Variants in SOX6 observed in about 807,000 individuals in gnomAD.
SOX6 encodes the protein transcription factor SOX-6.
In SOX6, 11 loss-of-function variants were observed where a neutral mutation model predicts 97.8. That is an observed-to-expected ratio of 0.11 (90% CI 0.07 to 0.19). SOX6 has a LOEUF of 0.19. SOX6 is among the 10% of genes least tolerant of loss of function. The pLI is 1.00. For missense variants in SOX6, 810 were observed against 1,039.5 expected (o/e 0.78, Z 3.04); for synonymous variants, 360 against 371.4 (o/e 0.97, Z 0.35).
intron 2 of SOX6, among the ~76,000 whole-genome samples, chr11:16,336,932 A>C (rs1856480182): frequency 6.6e-6 from 1 of 152,146 alleles, no homozygotes; most frequent in Admixed American, 6.6e-5. Flanking sequence ...CTCCTCCAAA[A>C]TAACTTCCCC....
At chr11:16,682,778 G>A (rs1847938061) in intron 3 of SOX6, among the ~76,000 whole-genome samples, 1 of 152,172 alleles carries the variant, frequency 6.6e-6, no homozygotes, top group Non-Finnish European at 1.5e-5. Context: ...TATTCAATTA[G>A]GAAAAGAGGA....
intron 4 of SOX6, among the ~76,000 whole-genome samples, chr11:16,533,874 CCAAA>C (rs1397307413): frequency 2.0e-5 from 3 of 151,926 alleles, no homozygotes; most frequent in Non-Finnish European, 4.4e-5. Flanking sequence ...GTTCACAGTT[CCAAA>C]CAAAGATAAT....
At chr11:16,486,026 T>A (rs1860427435) in intron 4 of SOX6, among the ~76,000 whole-genome samples, 1 of 128,756 alleles carries the variant, frequency 7.8e-6, no homozygotes. Context: ...GAAGACCTCC[T>A]GTCATTACTT....
intron 6 of SOX6, among the ~76,000 whole-genome samples, chr11:16,139,954 T>C (rs914985912): frequency 2.3e-4 from 33 of 145,264 alleles, no homozygotes; most frequent in Non-Finnish European, 6.1e-5. Context: ...TCATATATTA[T>C]ATATATATAT....
chr11:16,019,028 T>C (rs1173234040), intron 12 of SOX6, among the ~76,000 whole-genome samples: 2 of 152,156 alleles, frequency 1.3e-5, no homozygotes, highest in Non-Finnish European at 2.9e-5. Context: ...TGTACTTAAA[T>C]AACAGTTTGC....
chr11:16,217,798 A>G (rs1852417706), intron 4 of SOX6, among the ~76,000 whole-genome samples: 1 of 152,122 alleles, frequency 6.6e-6, no homozygotes, highest in South Asian at 2.1e-4. Flanking sequence ...GCTCTGCCTT[A>G]CTCTGTGGTT....
intron 9 of SOX6, among the ~76,000 whole-genome samples, chr11:16,057,818 T>A (rs1590166002): frequency 6.6e-6 from 1 of 152,176 alleles, no homozygotes; most frequent in Admixed American, 6.6e-5. Context: ...GATATTGATA[T>A]GTTGCCTTCC....
chr11:16,188,385 C>T (rs1183798241), intron 4 of SOX6, among the ~76,000 whole-genome samples: 2 of 152,004 alleles, frequency 1.3e-5, no homozygotes, highest in African/African-American at 2.4e-5. Context: ...AGGCTAGTCG[C>T]CAGCTACTCC....
At chr11:16,484,735 T>C (rs929497039) in intron 4 of SOX6, 21 of 476,050 alleles carry the variant, frequency 4.4e-5, no homozygotes, top group Non-Finnish European at 7.2e-5. Context: ...ATAAATCTTT[T>C]AAAGCAATGA....
At chr11:16,173,407 G>C (rs1405445844) in intron 6 of SOX6, among the ~76,000 whole-genome samples, 1 of 151,762 alleles carries the variant, frequency 6.6e-6, no homozygotes, top group Admixed American at 6.6e-5. Flanking sequence ...TTAGGACCTT[G>C]GCCTCCATAT....
At chr11:16,612,301 G>T (rs1216251810) in intron 3 of SOX6, 1 of 150,198 alleles carries the variant, frequency 6.7e-6, no homozygotes, top group African/African-American at 2.5e-5. Context: ...AGAGTCCCCA[G>T]ATGCAGTCTA....
At chr11:16,265,573 A>G (rs1854058489) in intron 3 of SOX6, among the ~76,000 whole-genome samples, 1 of 151,938 alleles carries the variant, frequency 6.6e-6, no homozygotes, top group Admixed American at 6.6e-5. Flanking sequence ...TGTGCAGAGA[A>G]GCAGGAAAAT....
At chr11:16,449,318 A>T (rs1859673958) in intron 1 of SOX6, among the ~76,000 whole-genome samples, 2 of 95,980 alleles carry the variant, frequency 2.1e-5, no homozygotes, top group East Asian at 6.7e-4. Context: ...TTTGAGACGG[A>T]GTCTCGCTGT....
At chr11:16,365,538 T>C (rs1857336427) in intron 1 of SOX6, among the ~76,000 whole-genome samples, 1 of 152,100 alleles carries the variant, frequency 6.6e-6, no homozygotes, top group African/African-American at 2.4e-5. Context: ...ACCAGCATAT[T>C]AGAAATCAGG....
rs760823724 is a variant in SOX6 at position 15,986,179 on chromosome 11, G to C, written c.2183+25C>G. On this transcript the variant is annotated intron_variant, in intron 15 of 15. Transcript: ENST00000683767. ...TTACTTACCGCAAAAGTAAAGCCCA[G>C]GTGGCTAAATTCAGGAATACTTACC... 5 of 1,605,962 alleles carry C rather than the reference G, an allele frequency of 3.1e-6. No homozygotes were observed. The Admixed American group carries it at 6.7e-5, about 21-fold the overall frequency.
At chr11:16,711,024 T>C (rs1848175312) in intron 3 of SOX6, among the ~76,000 whole-genome samples, 2 of 152,172 alleles carry the variant, frequency 1.3e-5, no homozygotes, top group African/African-American at 4.8e-5. Flanking sequence ...TTCTAATCCA[T>C]CAGCAAATCC....
chr11:16,718,165 C>T (rs960508848), intron 2 of SOX6, among the ~76,000 whole-genome samples: 3 of 151,786 alleles, frequency 2.0e-5, no homozygotes, highest in African/African-American at 2.4e-5. Flanking sequence ...GGCTTCATTT[C>T]CTTTGTAGTC....
rs532187031 is a variant in SOX6, at chr11:16,734,873, C to A, written n.353+1466G>T. 1.2e-3 allele frequency among the ~76,000 whole-genome samples: 179 copies of A among 152,212 alleles called. 1 individual carries two copies. The South Asian group carries it at 0.036, about 31-fold the overall frequency. On this transcript the variant is annotated intron_variant and non_coding_transcript_variant, in intron 2 of 5. Coordinates refer to the SOX6 transcript ENST00000524520. ...TTTGTTCAATACCTTTATTATAGCACTTATTTTTGTTGTGGTGGGCTAATC... is the reference window on the plus strand; with the variant it reads ...TTTGTTCAATACCTTTATTATAGCAATTATTTTTGTTGTGGTGGGCTAATC...
intron 9 of SOX6, among the ~76,000 whole-genome samples, chr11:16,072,042 C>A (rs1481076672): frequency 6.6e-6 from 1 of 152,156 alleles, no homozygotes; most frequent in Admixed American, 6.5e-5. Flanking sequence ...TTTTTACCTT[C>A]AAATGACCAC....
Sources: allele counts gnomAD v4.1 joint callset (sites outside exome capture counted in the v4.1 genomes callset), GRCh38; gene constraint gnomAD v4.1.1; transcripts MANE v1.5; gene names NCBI Gene and HGNC (gene_info 2026-07-23, HGNC 2026-07-21).